The following FBRSL1 variants were observed in gnomAD, a reference collection of about 807,000 sequenced individuals.
FBRSL1 encodes fibrosin like 1, also known as fibrosin-1-like protein.
In FBRSL1, 51 loss-of-function variants were observed where a neutral mutation model predicts 89.6. That is an observed-to-expected ratio of 0.57 (90% CI 0.45 to 0.72). The LOEUF is 0.72. Among genes scored for constraint, FBRSL1 ranks in the 30% least tolerant of loss-of-function variants. FBRSL1 has a pLI of 0.00. For synonymous variants in FBRSL1, 779 were observed against 681.1 expected, an observed-to-expected ratio of 1.14 and a Z score of -2.24; for missense variants, 1,618 against 1,451.8, an observed-to-expected ratio of 1.11 and a Z score of -1.86.
chr12:132,571,382 G>GC, intron 9 of FBRSL1, 151 bp downstream of exon 9: 1 of 1,550,944 alleles, frequency 6.4e-7, no homozygotes, highest in Non-Finnish European at 8.7e-7. Context: ...GCCTCCCTGG[G>GC]CCCGGGGGCT....
chr12:132,503,322 G>A (rs1440069742), intron 1 of FBRSL1, among the ~76,000 whole-genome samples: 7 of 152,244 alleles, frequency 4.6e-5, no homozygotes, highest in Non-Finnish European at 7.3e-5. Context: ...GAGGCCATAG[G>A]AGCAGCTGGG....
In FBRSL1 at chr12:132,581,484, C is replaced by G. The variant is rs1333696114; in HGVS notation, c.1880C>G (p.Pro627Arg). 1 of 1,551,132 alleles carries G rather than the reference C, an allele frequency of 6.4e-7. No homozygotes were observed. Among genetic ancestry groups the G allele is most frequent in the Admixed American group, 2.0e-5 (1 of 50,994 alleles). ...ASNPFGPSAH[P>R]GSFLPTGPLT... The stretch of plus-strand genomic sequence containing the variant: ...AACCCATTTGGACCCTCAGCCCATC[C>G]TGGCAGCTTCCTGCCCACTGGCCCC... Residue 627 changes from proline to arginine, a missense_variant, in exon 16 of 19, where the codon CCT becomes CGT. Transcript: ENST00000680143.
Position 132,508,236 on chromosome 12 carries a change from C to T in FBRSL1, c.375C>T (p.Cys125=), listed in dbSNP as rs949841268. Reference sequence around the variant, plus strand: ...AGAAGCCCCGGGAGTCGGAAACCTGCCCCCCTGCGGAGCCCAGTGAGAACA... The same window carrying T: ...AGAAGCCCCGGGAGTCGGAAACCTGTCCCCCTGCGGAGCCCAGTGAGAACA... ...LIKKPRESET[C]PPAEPSENRR... The change falls in exon 2 of 19, where the codon TGC becomes TGT. Residue 125 remains cysteine (C), a synonymous_variant. Coordinates refer to ENST00000680143, the MANE Select transcript of FBRSL1 (RefSeq NM_001367871.1). 3.9e-6 allele frequency: 6 copies of T among 1,550,874 alleles called. No homozygotes were observed. The highest frequency in any genetic ancestry group is 1.4e-5 in the African/African-American group (1 of 73,010).
Position 132,576,840 on chromosome 12 carries a change from G to C in FBRSL1, c.1743G>C (p.Lys581Asn), listed in dbSNP as rs1361760612. 10 of 1,550,888 alleles carry C rather than the reference G, an allele frequency of 6.4e-6. No individual in the cohort carries two copies. The highest frequency in any genetic ancestry group is 8.7e-6 in the Non-Finnish European group (10 of 1,146,934). ...LDPHKLEVGA[K>N]LDLFGRPPAP... ...CCCACAAGCTGGAGGTGGGTGCAAA[G>C]CTGGACCTGTTCGGCAGACCCCCTG... The change falls in exon 15 of 19, where the codon AAG (lysine) becomes AAC (asparagine). Residue 581 changes from lysine to asparagine, a missense_variant. Lys to Asn is a moderately conservative substitution (Grantham distance 94). Transcript: ENST00000680143.
intron 4 of FBRSL1, among the ~76,000 whole-genome samples, chr12:132,539,428 C>A (rs112538604): frequency 0.18 from 19,582 of 105,950 alleles, 2,862 homozygotes; most frequent in East Asian, 0.34. Flanking sequence ...TCCAGTCTCC[C>A]AGCCCCATGC....
chr12:132,560,946 CA>C lies in FBRSL1; in HGVS notation c.646-6534del, dbSNP rs140177204. On this transcript the variant is annotated intron_variant, in intron 5 of 18. Transcript: ENST00000680143. ...CCCATTTGGGTCATCTGGCCACTGC[CA>C]GAAGCCCTGTCCTAGAAGGGAAAGA... Among the ~76,000 whole-genome samples the C allele has an allele frequency of 3.4e-3, 522 of 152,316 alleles. 4 individuals are homozygous for C. Among genetic ancestry groups the C allele is most frequent in the African/African-American group, 0.012 (503 of 41,580 alleles).
chr12:132,503,969 C>T (rs2033355567), intron 1 of FBRSL1, among the ~76,000 whole-genome samples: 1 of 152,138 alleles, frequency 6.6e-6, no homozygotes, highest in South Asian at 2.1e-4. Context: ...CCCTCAGCCC[C>T]CTGCCCCCAT....
rs575136880 is a variant in FBRSL1 at position 132,541,604 on chromosome 12, C to T, written c.616-6399C>T. ...TGCGGATTCACAGGACTGAGGCGGCCGAAAGGGGCTGAGAGTGACCTTTCC... is the reference window on the plus strand; with the variant it reads ...TGCGGATTCACAGGACTGAGGCGGCTGAAAGGGGCTGAGAGTGACCTTTCC... On this transcript the variant is annotated intron_variant, in intron 4 of 18. Coordinates refer to ENST00000680143, the MANE Select transcript of FBRSL1 (RefSeq NM_001367871.1). Among the ~76,000 whole-genome samples, 5 of 152,312 alleles carry T rather than the reference C, an allele frequency of 3.3e-5. No homozygotes were observed. In the East Asian group the frequency reaches 9.7e-4, roughly 29 times the overall value.
intron 6 of FBRSL1, among the ~76,000 whole-genome samples, chr12:132,568,535 G>A (rs895186449): frequency 5.3e-5 from 8 of 152,246 alleles, no homozygotes; most frequent in Non-Finnish European, 8.8e-5. Context: ...TCACTGCCGC[G>A]GCTGCTGCCG....
intron 11 of FBRSL1, among the ~76,000 whole-genome samples, chr12:132,573,632 C>T (rs949146481): frequency 1.7e-4 from 25 of 151,132 alleles, no homozygotes; most frequent in Non-Finnish European, 1.6e-4. Context: ...GGTGGTAGCC[C>T]AGAGGGAAGG....
Position 132,584,849 on chromosome 12 carries a change from CACAA to C in FBRSL1, c.*1073_*1076del, listed in dbSNP as rs1566264613. ...ACACACACACACACACACACACACA[CACAA>C]AATCACTGCTGTGTGTTTTCTTCCG... is the stretch of plus-strand genomic sequence containing the variant. On this transcript the variant is annotated 3_prime_UTR_variant, in exon 19 of 19. Transcript: ENST00000680143. The C allele has an allele frequency of 3.9e-5, 6 of 152,184 alleles. No homozygotes were observed. In the East Asian group the frequency reaches 1.2e-3, roughly 29 times the overall value. 9.4% of individuals were successfully genotyped at this position (152,184 alleles called of 1,614,324 possible).
chr12:132,562,231 A>G (rs987649816), intron 5 of FBRSL1, among the ~76,000 whole-genome samples: 4 of 152,092 alleles, frequency 2.6e-5, no homozygotes, highest in Admixed American at 2.0e-4. Context: ...GAGAGGAGAA[A>G]GCCACATGCC....
At chr12:132,547,945 CG>C in intron 4 of FBRSL1, 57 bp from the exon 5 acceptor site, 2 of 1,543,708 alleles carry the variant, frequency 1.3e-6, no homozygotes, top group Non-Finnish European at 8.8e-7. Context: ...TGCCGTGCCC[CG>C]GGGGGTGACA....
At chr12:132,549,288 C>T (rs1274402635) in intron 5 of FBRSL1, among the ~76,000 whole-genome samples, 8 of 152,164 alleles carry the variant, frequency 5.3e-5, no homozygotes, top group African/African-American at 1.7e-4. Flanking sequence ...CACCTCTCCT[C>T]GCCCGTCCGC....
chr12:132,529,642 GC>G (rs1159939113), intron 4 of FBRSL1, among the ~76,000 whole-genome samples: 8 of 150,350 alleles, frequency 5.3e-5, no homozygotes, highest in African/African-American at 2.0e-4. Flanking sequence ...CCTAAGCTCT[GC>G]CACCCTGGGC....
In FBRSL1 at chr12:132,578,343, T is replaced by TCTCACACACACACACACA. The variant is rs147345475; in HGVS notation, c.1834+1413_1834+1414insTCACACACACACACACAC. Among the ~76,000 whole-genome samples the TCTCACACACACACACACA allele has an allele frequency of 9.9e-5, 14 of 141,110 alleles. No individual in the cohort carries two copies. The East Asian group carries it at 1.9e-3, about 20-fold the overall frequency. The allele number at this position is 141,110 out of a possible 152,430, so 92.6% of individuals were successfully genotyped here. A position where few individuals can be genotyped will look rare whatever the true frequency, so the allele number is the denominator to read the frequency against. On this transcript the variant is annotated intron_variant, in intron 15 of 18. Coordinates refer to ENST00000680143, the MANE Select transcript of FBRSL1 (RefSeq NM_001367871.1). ...CTGGGCAACAGAGCAAGACCCTGTC[T>TCTCACACACACACACACA]CACACACACACACACACACACACAA...
chr12:132,496,182 GCA>G (rs2136350549), intron 1 of FBRSL1, among the ~76,000 whole-genome samples: 1 of 152,324 alleles, frequency 6.6e-6, no homozygotes, highest in East Asian at 1.9e-4. Flanking sequence ...GTGAGTCACC[GCA>G]CAGTCCTGCA....
chr12:132,563,566 G>A (rs534209408), intron 5 of FBRSL1, among the ~76,000 whole-genome samples: 2 of 152,216 alleles, frequency 1.3e-5, no homozygotes, highest in African/African-American at 2.4e-5. Context: ...TTGCCTGTCC[G>A]TCTGTCCCAG....
At chr12:132,573,384 C>T (rs1342699108) in intron 11 of FBRSL1, among the ~76,000 whole-genome samples, 8 of 152,158 alleles carry the variant, frequency 5.3e-5, no homozygotes, top group African/African-American at 7.2e-5. Context: ...ATAGTGCTTC[C>T]GAGGACCAGG....
Sources: gnomAD v4.1 joint callset for allele counts (sites outside exome capture counted in the v4.1 genomes callset) on GRCh38, gnomAD v4.1.1 for gene constraint, MANE v1.5 for transcripts, NCBI Gene and HGNC (gene_info 2026-07-23, HGNC 2026-07-21) for gene names.